DYSF: variants seen among roughly 807,000 people sequenced by gnomAD.
The protein encoded by DYSF is dystrophy-associated fer-1-like 1.
Under a neutral mutation model 274.9 loss-of-function variants are expected in DYSF, and 212 were observed. That is an observed-to-expected ratio of 0.77 (90% CI 0.69 to 0.86). The LOEUF (loss-of-function observed/expected upper bound fraction) is 0.86. DYSF is among the 40% of genes least tolerant of loss of function. The pLI is 0.00. For synonymous variants in DYSF, 1,091 were observed against 1,078.7 expected (o/e 1.01, Z -0.22); for missense variants, 2,666 against 2,783.2 (o/e 0.96, Z 0.95).
chr2:71,627,198 T>C (rs1178734194), intron 41 of DYSF, among the ~76,000 whole-genome samples: 1 of 151,942 alleles, frequency 6.6e-6, no homozygotes, highest in African/African-American at 2.4e-5. Context: ...GAGTTTATTA[T>C]ATTTTAACCT....
intron 3 of DYSF, among the ~76,000 whole-genome samples, chr2:71,493,446 T>A (rs930469143): frequency 6.6e-5 from 10 of 152,190 alleles, no homozygotes; most frequent in Non-Finnish European, 1.3e-4. Flanking sequence ...TCATTTGGGA[T>A]GTCAGCCTAA....
chr2:71,577,522 G>GC (rs5832059), intron 30 of DYSF, among the ~76,000 whole-genome samples: 8 of 111,088 alleles, frequency 7.2e-5, no homozygotes, highest in Non-Finnish European at 8.8e-5. Flanking sequence ...CTCTCATGCA[G>GC]CCCCCCCACT....
chr2:71,627,338 AC>A (rs2152904050), intron 41 of DYSF, among the ~76,000 whole-genome samples: 1 of 151,956 alleles, frequency 6.6e-6, no homozygotes, highest in South Asian at 2.1e-4. Flanking sequence ...TCTTTTTGAC[AC>A]CTAAATTGTC....
chr2:71,678,182 A>G (rs576024887), intron 52 of DYSF, among the ~76,000 whole-genome samples: 67 of 152,344 alleles, frequency 4.4e-4, no homozygotes, highest in African/African-American at 1.4e-3. Context: ...AGATAATTTT[A>G]TGCATGAAAC....
intron 41 of DYSF, among the ~76,000 whole-genome samples, chr2:71,631,366 A>G (rs1229668098): frequency 2.0e-5 from 3 of 152,238 alleles, no homozygotes; most frequent in Non-Finnish European, 4.4e-5. Context: ...AAGGACATGT[A>G]TTTGGCAATA....
intron 3 of DYSF, among the ~76,000 whole-genome samples, chr2:71,496,943 A>G (rs1324342441): frequency 6.6e-6 from 1 of 152,192 alleles, no homozygotes; most frequent in African/African-American, 2.4e-5. Flanking sequence ...CAGGAGGCTC[A>G]CTGTAGAGTT....
chr2:71,534,369 GTT>G (rs2089078428), intron 14 of DYSF, among the ~76,000 whole-genome samples: 2 of 152,182 alleles, frequency 1.3e-5, no homozygotes, highest in African/African-American at 4.8e-5. Context: ...GGGGCCTGGT[GTT>G]CCTTATGGAC....
chr2:71,483,703 C>T (rs1048414061), intron 3 of DYSF, among the ~76,000 whole-genome samples: 5 of 152,130 alleles, frequency 3.3e-5, no homozygotes, highest in Admixed American at 6.6e-5. Context: ...CAGTTAGGCA[C>T]GACTATTGTA....
At chr2:71,481,755 T>G (rs907807804) in intron 2 of DYSF, 124 bp from the exon 3 acceptor site, 2 of 612,304 alleles carry the variant, frequency 3.3e-6, no homozygotes, top group African/African-American at 4.4e-5. Context: ...TTGATCCATC[T>G]GCCTATCCAC....
intron 51 of DYSF, among the ~76,000 whole-genome samples, chr2:71,670,878 A>T (rs1444524316): frequency 1.3e-5 from 2 of 152,086 alleles, no homozygotes; most frequent in Non-Finnish European, 2.9e-5. Flanking sequence ...CCGGCATTAA[A>T]TTCCACCCTG....
At chr2:71,678,802 G>T (rs1222104670) in intron 52 of DYSF, among the ~76,000 whole-genome samples, 1 of 152,192 alleles carries the variant, frequency 6.6e-6, no homozygotes, top group Middle Eastern at 3.2e-3. Context: ...GGGTGGCTTT[G>T]TTAAGGGTGA....
chr2:71,515,571 G>T, intron 7 of DYSF, 52 bp from the exon 8 acceptor site: 1 of 1,613,422 alleles, frequency 6.2e-7, no homozygotes, highest in Non-Finnish European at 8.5e-7. Context: ...GATGGTGGGT[G>T]GTCCTTAACT....
intron 40 of DYSF, among the ~76,000 whole-genome samples, chr2:71,618,864 C>T (rs1252866799): frequency 1.3e-5 from 2 of 151,850 alleles, no homozygotes; most frequent in Non-Finnish European, 2.9e-5. Flanking sequence ...TGTTTCCTCA[C>T]TCTGTCGGGT....
At chr2:71,519,811 G>GTTTTTTTTTTTTTTTTTTTTTTTTTT (rs70959241) in intron 10 of DYSF, among the ~76,000 whole-genome samples, 1 of 102,286 alleles carries the variant, frequency 9.8e-6, no homozygotes, top group Non-Finnish European at 1.9e-5. Context: ...CACCCGGCTA[G>GTTTTTTTTTTTTTTTTTTTTTTTTTT]TTTTTTTTTT....
intron 1 of DYSF, among the ~76,000 whole-genome samples, chr2:71,479,686 C>A (rs1445817604): frequency 1.6e-4 from 24 of 152,228 alleles, no homozygotes; most frequent in Admixed American, 1.4e-3. Context: ...CTTGCCCCTT[C>A]ATGCCCACTG....
At chr2:71,617,647 TGTGTGTGTGGCAGAGGTGGG>T (rs1414365778) in intron 40 of DYSF, among the ~76,000 whole-genome samples, 6 of 133,554 alleles carry the variant, frequency 4.5e-5, no homozygotes, top group Admixed American at 4.4e-4. Context: ...GCAGAGGTGG[TGTGTGTGTGGCAGAGGTGGG>T]GTGTGTGTGT....
intron 52 of DYSF, among the ~76,000 whole-genome samples, chr2:71,675,826 G>A (rs2095212155): frequency 6.6e-6 from 1 of 151,748 alleles, no homozygotes; most frequent in Non-Finnish European, 1.5e-5. Flanking sequence ...ACAAACATAA[G>A]TATTTTATAT....
At chr2:71,519,938 C>T (rs1166742912) in intron 10 of DYSF, among the ~76,000 whole-genome samples, 3 of 150,816 alleles carry the variant, frequency 2.0e-5, no homozygotes, top group Non-Finnish European at 4.4e-5. Context: ...GCTGGGATTA[C>T]AGGCATGAGC....
Position 71,481,978 on chromosome 2 carries a change from G to A in DYSF, c.239+8G>A, listed in dbSNP as rs980565746. On this transcript the variant is annotated splice_region_variant and intron_variant, in intron 3 of 55. Coordinates refer to ENST00000410020, the MANE Select transcript of DYSF (RefSeq NM_001130987.2). ...GACGATGGGGAGGAACAGGTAAGGT[G>A]GCCAGAGGGGGGTGCTCCATGGCTT... is the stretch of plus-strand genomic sequence containing the variant. The A allele has an allele frequency of 3.7e-6, 6 of 1,612,182 alleles. No homozygotes were observed. In the African/African-American group the frequency reaches 6.7e-5, roughly 18 times the overall value.
Sources: gnomAD v4.1 joint callset for allele counts (sites outside exome capture counted in the v4.1 genomes callset) on GRCh38, gnomAD v4.1.1 for gene constraint, MANE v1.5 for transcripts, NCBI Gene and HGNC (gene_info 2026-07-23, HGNC 2026-07-21) for gene names.